The following NOS1AP variants were observed in gnomAD, a reference collection of about 807,000 sequenced individuals.
The protein encoded by NOS1AP is carboxyl-terminal PDZ ligand of neuronal nitric oxide synthase protein.
Under a neutral mutation model 56.2 loss-of-function variants are expected in NOS1AP, and 21 were observed. That is an observed-to-expected ratio of 0.37 (90% CI 0.26 to 0.54). NOS1AP has a LOEUF of 0.54. Ranked by LOEUF, NOS1AP falls within the 20% of genes least tolerant of loss-of-function variation. The probability of loss-of-function intolerance (pLI) is 0.84; values close to 1 mark genes in which losing one functional copy is unlikely to be tolerated. For synonymous variants in NOS1AP, 270 were observed against 274.6 expected (o/e 0.98, Z 0.17); for missense variants, 522 against 657.8 (o/e 0.79, Z 2.26).
At chr1:162,340,903 A>G (rs981345260) in intron 5 of NOS1AP, among the ~76,000 whole-genome samples, 1 of 152,178 alleles carries the variant, frequency 6.6e-6, no homozygotes. Flanking sequence ...ATGGTTGAAT[A>G]TGTGAGTATG....
intron 2 of NOS1AP, among the ~76,000 whole-genome samples, chr1:162,263,365 G>A (rs114247359): frequency 0.028 from 4,214 of 152,302 alleles, 76 homozygotes; most frequent in Non-Finnish European, 0.038. Context: ...AGAGGGGGAA[G>A]AAAGTGAACT....
chr1:162,151,038 G>A (rs1201490461), intron 1 of NOS1AP, among the ~76,000 whole-genome samples: 1 of 152,168 alleles, frequency 6.6e-6, no homozygotes, highest in Admixed American at 6.5e-5. Context: ...TCTTTGCCCG[G>A]TCCAATGTCC....
In NOS1AP at chr1:162,273,160, C is replaced by CTTT. The variant is rs11429407; in HGVS notation, c.178-14165_178-14163dup. 2.4e-3 allele frequency among the ~76,000 whole-genome samples: 252 copies of CTTT among 106,150 alleles called. 5 individuals are homozygous for CTTT. Among genetic ancestry groups the CTTT allele is most frequent in the Non-Finnish European group, 3.0e-3 (172 of 56,744 alleles). 69.6% of individuals were successfully genotyped at this position (106,150 alleles called of 152,430 possible). A position where few individuals can be genotyped will look rare whatever the true frequency, so the allele number is the denominator to read the frequency against. Reference sequence around the variant, plus strand: ...CAGGACAACTCTGGAAGCCCTTGTTCTTTTTTTTTTTTTTTTTTTTTGAGA... The same window carrying CTTT: ...CAGGACAACTCTGGAAGCCCTTGTTCTTTTTTTTTTTTTTTTTTTTTTTTGAGA... On this transcript the variant is annotated intron_variant, in intron 2 of 9. Transcript: ENST00000361897.
At chr1:162,096,340 A>T (rs1692240024) in intron 1 of NOS1AP, among the ~76,000 whole-genome samples, 1 of 152,226 alleles carries the variant, frequency 6.6e-6, no homozygotes, top group Admixed American at 6.5e-5. Flanking sequence ...CTTTGCCCTC[A>T]TATCAAACCA....
intron 4 of NOS1AP, among the ~76,000 whole-genome samples, chr1:162,329,834 T>G (rs1205095745): frequency 6.6e-6 from 1 of 152,250 alleles, no homozygotes; most frequent in Non-Finnish European, 1.5e-5. Flanking sequence ...TTTCTAAGCT[T>G]TAACTAGCTG....
At chr1:162,314,165 C>G (rs890975238) in intron 4 of NOS1AP, among the ~76,000 whole-genome samples, 15 of 152,168 alleles carry the variant, frequency 9.9e-5, no homozygotes, top group African/African-American at 3.6e-4. Flanking sequence ...CCTTTTGTAT[C>G]TAAAACTGGG....
chr1:162,086,599 C>T lies in NOS1AP; in HGVS notation c.105+16317C>T, dbSNP rs567387022. 2.0e-5 allele frequency among the ~76,000 whole-genome samples: 3 copies of T among 152,238 alleles called. No individual in the cohort carries two copies. The East Asian group carries it at 5.8e-4, about 29-fold the overall frequency. ...CATGAAGTTGATGACAGTCTGGGTA[C>T]ACTGCTTCACTCTTCACCACATTTA... On this transcript the variant is annotated intron_variant, in intron 1 of 9. Coordinates refer to ENST00000361897, the MANE Select transcript of NOS1AP (RefSeq NM_014697.3).
chr1:162,158,216 A>G (rs1204285007), intron 2 of NOS1AP, among the ~76,000 whole-genome samples: 1 of 152,130 alleles, frequency 6.6e-6, no homozygotes, highest in Non-Finnish European at 1.5e-5. Flanking sequence ...GATTTTGACT[A>G]CTTCATATGA....
chr1:162,242,432 G>T (rs1653514699), intron 2 of NOS1AP, among the ~76,000 whole-genome samples: 1 of 152,184 alleles, frequency 6.6e-6, no homozygotes. Context: ...CAACTAGCCT[G>T]ACATAGCCAT....
intron 2 of NOS1AP, among the ~76,000 whole-genome samples, chr1:162,234,728 A>C (rs2101673336): frequency 6.6e-6 from 1 of 152,258 alleles, no homozygotes; most frequent in African/African-American, 2.4e-5. Context: ...TCCTGAGTCC[A>C]TTCCAGAAAC....
chr1:162,095,465 T>C (rs1692219368), intron 1 of NOS1AP, among the ~76,000 whole-genome samples: 1 of 152,232 alleles, frequency 6.6e-6, no homozygotes, highest in African/African-American at 2.4e-5. Context: ...GTCTATGGCA[T>C]TATTTTTGTT....
chr1:162,154,541 G>GCCCTACCTA, intron 2 of NOS1AP, 65 bp downstream of exon 2: 1 of 1,544,414 alleles, frequency 6.5e-7, no homozygotes, highest in Non-Finnish European at 8.9e-7. Flanking sequence ...GGCCCTTCTA[G>GCCCTACCTA]GTAGGGCTGG....
chr1:162,251,624 GT>G, intron 2 of NOS1AP, among the ~76,000 whole-genome samples: 1 of 151,518 alleles, frequency 6.6e-6, no homozygotes, highest in Non-Finnish European at 1.5e-5. Context: ...GTGTGTGTGT[GT>G]GTGTGTGTCT....
chr1:162,092,826 A>G (rs1692164277), intron 1 of NOS1AP, among the ~76,000 whole-genome samples: 1 of 152,170 alleles, frequency 6.6e-6, no homozygotes, highest in Admixed American at 6.5e-5. Flanking sequence ...CTCCTCCTGC[A>G]TTCACCAGGC....
Position 162,343,939 on chromosome 1 carries a change from A to G in NOS1AP, c.558A>G (p.Gly186=). Residue 186 remains glycine (G), a synonymous_variant, in exon 6 of 10, where the codon GGA becomes GGG. Coordinates refer to ENST00000361897, the MANE Select transcript of NOS1AP (RefSeq NM_014697.3). ...TQQNADGQED[G]ESERNSNSSG... ...AGAATGCAGATGGCCAGGAAGATGG[A>G]GAGAGCGAGAGGAACAGCAACAGCT... The G allele has an allele frequency of 6.2e-7, 1 of 1,614,026 alleles. No individual in the cohort carries two copies. Among genetic ancestry groups the G allele is most frequent in the African/African-American group, 1.3e-5 (1 of 74,910 alleles).
At chr1:162,095,339 A>G (rs1327661246) in intron 1 of NOS1AP, among the ~76,000 whole-genome samples, 1 of 152,192 alleles carries the variant, frequency 6.6e-6, no homozygotes, top group East Asian at 1.9e-4. Context: ...CTGTGAGGAT[A>G]TAGCAGGAAG....
At chr1:162,254,091 T>G (rs1481327469) in intron 2 of NOS1AP, among the ~76,000 whole-genome samples, 1 of 152,222 alleles carries the variant, frequency 6.6e-6, no homozygotes, top group East Asian at 1.9e-4. Flanking sequence ...TGAGTAATTG[T>G]TTTTGATGAA....
At chr1:162,249,837 G>A (rs1653792286) in intron 2 of NOS1AP, among the ~76,000 whole-genome samples, 1 of 152,190 alleles carries the variant, frequency 6.6e-6, no homozygotes, top group Non-Finnish European at 1.5e-5. Context: ...AGAGTCCAGT[G>A]TATCAGTGGG....
chr1:162,238,242 G>A (rs1232149518), intron 2 of NOS1AP, among the ~76,000 whole-genome samples: 1 of 152,090 alleles, frequency 6.6e-6, no homozygotes, highest in African/African-American at 2.4e-5. Flanking sequence ...AGAGAAAGGT[G>A]TCTCTTCCTT....
Sources: allele counts gnomAD v4.1 joint callset (sites outside exome capture counted in the v4.1 genomes callset), GRCh38; gene constraint gnomAD v4.1.1; transcripts MANE v1.5; gene names NCBI Gene and HGNC (gene_info 2026-07-23, HGNC 2026-07-21).